The following G3BP2 variants were observed in gnomAD, a reference collection of about 807,000 sequenced individuals.
G3BP2 encodes ras GTPase-activating protein-binding protein 2.
G3BP2 carries 11 observed loss-of-function variants against 56.7 expected under a neutral mutation model. The ratio of observed to expected loss-of-function variants is 0.19; its 90% CI spans 0.12 to 0.32. The LOEUF (loss-of-function observed/expected upper bound fraction) is 0.32. Among genes scored for constraint, G3BP2 ranks in the 10% least tolerant of loss-of-function variants. The pLI, the probability that G3BP2 is intolerant of heterozygous loss-of-function variation, is 1.00. For missense variants in G3BP2, 340 were observed against 610.9 expected (o/e 0.56, Z 4.67); for synonymous variants, 165 against 191.6 (o/e 0.86, Z 1.15).
chr4:75,673,110 G>T (rs967550367), intron 1 of G3BP2, 98 bp downstream of exon 1: 1 of 1,073,648 alleles, frequency 9.3e-7, no homozygotes, highest in Non-Finnish European at 1.1e-6. Context: ...CCGGCTCCCG[G>T]GCTCACACAC....
At chr4:75,657,826 C>A (rs1732227172) in intron 3 of G3BP2, 96 bp from the exon 4 acceptor site, 11 of 738,194 alleles carry the variant, frequency 1.5e-5, no homozygotes, top group South Asian at 1.3e-4. Context: ...TACAACTCTG[C>A]AATATTAACT....
intron 8 of G3BP2, chr4:75,649,096 A>C (rs916776529): frequency 1.3e-4 from 22 of 167,514 alleles, no homozygotes; most frequent in Non-Finnish European, 2.7e-4. Context: ...TAAATACATA[A>C]ACAAAATTAA....
chr4:75,673,466 C>T (rs754050303), upstream of G3BP2: 6 of 1,232,286 alleles, frequency 4.9e-6, no homozygotes, highest in Non-Finnish European at 4.0e-6. Flanking sequence ...CCGAAAGGGC[C>T]AGGGAACCCC....
At chr4:75,714,890 C>T (rs576258334) in intron 3 of G3BP2, among the ~76,000 whole-genome samples, 69 of 152,226 alleles carry the variant, frequency 4.5e-4, no homozygotes, top group African/African-American at 1.5e-3. Flanking sequence ...CAGCTTGCAT[C>T]CAAGCTGGCA....
intron 1 of G3BP2, 152 bp downstream of exon 1, chr4:75,673,056 C>T: frequency 1.0e-6 from 1 of 1,001,928 alleles, no homozygotes; most frequent in Non-Finnish European, 1.2e-6. Flanking sequence ...GCACACACGG[C>T]ACCGTAGGGA....
intron 3 of G3BP2, among the ~76,000 whole-genome samples, chr4:75,696,251 T>G (rs1719116654): frequency 1.3e-5 from 2 of 152,066 alleles, no homozygotes; most frequent in South Asian, 4.2e-4. Flanking sequence ...ACCCTAGTAT[T>G]TATGGTAGTG....
chr4:75,676,836 T>C (rs1361232439), upstream of G3BP2, among the ~76,000 whole-genome samples: 1 of 152,100 alleles, frequency 6.6e-6, no homozygotes, highest in Non-Finnish European at 1.5e-5. Context: ...ACACAAAATC[T>C]CAGGTCCTTA....
In G3BP2 at chr4:75,643,901, A is replaced by G. The variant is rs1167016112; in HGVS notation, c.*1529T>C. Reference sequence around the variant, plus strand: ...TACTTGTGGTTTACTGGAACTTGCTATAAAGACAGACAATAATCCAGCAGC... The same window carrying G: ...TACTTGTGGTTTACTGGAACTTGCTGTAAAGACAGACAATAATCCAGCAGC... On this transcript the variant is annotated 3_prime_UTR_variant, in exon 12 of 12. Coordinates refer to ENST00000359707, the MANE Select transcript of G3BP2 (RefSeq NM_203505.3). The G allele has an allele frequency of 1.3e-5, 2 of 152,652 alleles. No individual in the cohort carries two copies. Among genetic ancestry groups the G allele is most frequent in the Non-Finnish European group, 2.9e-5 (2 of 68,046 alleles). The allele number at this position is 152,652 out of a possible 1,614,324, so 9.5% of individuals were successfully genotyped here.
At chr4:75,658,230 T>G (rs976874442) in intron 3 of G3BP2, among the ~76,000 whole-genome samples, 3 of 152,194 alleles carry the variant, frequency 2.0e-5, no homozygotes, top group African/African-American at 7.2e-5. Context: ...AACTATCTCA[T>G]GTATAAAATA....
intron 1 of G3BP2, among the ~76,000 whole-genome samples, chr4:75,723,100 G>A (rs987709554): frequency 6.6e-6 from 1 of 152,192 alleles, no homozygotes. Context: ...TGATGTCAGA[G>A]TTGAGCCTTA....
chr4:75,673,648 A>C (rs926267040), upstream of G3BP2: 2 of 1,229,430 alleles, frequency 1.6e-6, no homozygotes, highest in South Asian at 4.2e-5. Context: ...ATTTGACGTC[A>C]CAAGCAGGCT....
chr4:75,675,843 A>G (rs527805197), upstream of G3BP2, among the ~76,000 whole-genome samples: 1 of 152,314 alleles, frequency 6.6e-6, no homozygotes, highest in Non-Finnish European at 1.5e-5. Context: ...AAACGGTTTG[A>G]TAAGGGAAGG....
chr4:75,655,914 C>T (rs1378663394), intron 5 of G3BP2, 44 bp from the exon 6 acceptor site: 2 of 966,146 alleles, frequency 2.1e-6, no homozygotes, highest in African/African-American at 1.6e-5. Context: ...AGAGGCTTCA[C>T]AATTTCTAAC....
chr4:75,667,210 G>A (rs1733111104), intron 1 of G3BP2, among the ~76,000 whole-genome samples: 1 of 150,996 alleles, frequency 6.6e-6, no homozygotes, highest in Non-Finnish European at 1.5e-5. Context: ...GAATGCCTGA[G>A]CCCGGGAAGT....
chr4:75,684,903 C>T (rs1718520175), intron 3 of G3BP2, among the ~76,000 whole-genome samples: 1 of 151,592 alleles, frequency 6.6e-6, no homozygotes, highest in Non-Finnish European at 1.5e-5. Flanking sequence ...GATATATTTC[C>T]TGGTAATAAG....
At chr4:75,677,441 C>T (rs1278690238), upstream of G3BP2, among the ~76,000 whole-genome samples, 3 of 151,880 alleles carry the variant, frequency 2.0e-5, no homozygotes, top group South Asian at 2.1e-4. Flanking sequence ...CATGGTGGTG[C>T]GCACCTGTAG....
intron 1 of G3BP2, 21 bp downstream of exon 1, chr4:75,673,187 C>T: frequency 8.4e-7 from 1 of 1,194,180 alleles, no homozygotes. Context: ...ACCGACCTCC[C>T]CTCCCGGCGC....
intron 3 of G3BP2, among the ~76,000 whole-genome samples, chr4:75,685,720 C>T (rs1159758730): frequency 6.6e-6 from 1 of 152,148 alleles, no homozygotes; most frequent in Non-Finnish European, 1.5e-5. Flanking sequence ...TAAATATAAA[C>T]TATCGTGATT....
chr4:75,720,672 T>C (rs1308979430), intron 3 of G3BP2, among the ~76,000 whole-genome samples: 1 of 151,242 alleles, frequency 6.6e-6, no homozygotes, highest in Non-Finnish European at 1.5e-5. Flanking sequence ...GGCATGTGCC[T>C]CTATTCCCAG....
Sources: gnomAD v4.1 joint callset for allele counts (sites outside exome capture counted in the v4.1 genomes callset) on GRCh38, gnomAD v4.1.1 for gene constraint, MANE v1.5 for transcripts, NCBI Gene and HGNC (gene_info 2026-07-23, HGNC 2026-07-21) for gene names.